The following GRIN2A variants were observed in gnomAD, a reference collection of about 807,000 sequenced individuals.
GRIN2A encodes glutamate receptor ionotropic, NMDA 2A.
GRIN2A carries 22 observed loss-of-function variants against 113.4 expected under a neutral mutation model. The observed-to-expected ratio is 0.19, with a 90% CI of 0.14 to 0.28. The LOEUF (loss-of-function observed/expected upper bound fraction) is 0.28, where lower values mean the gene tolerates loss of function less well. GRIN2A is among the 10% of genes least tolerant of loss of function. The pLI is 1.00. For missense variants in GRIN2A, 1,502 were observed against 1,887.0 expected, an observed-to-expected ratio of 0.80 and a Z score of 3.78; for synonymous variants, 827 against 738.4, an observed-to-expected ratio of 1.12 and a Z score of -1.94.
chr16:9,961,880 C>T (rs1041138340), intron 2 of GRIN2A, among the ~76,000 whole-genome samples: 11 of 152,152 alleles, frequency 7.2e-5, no homozygotes, highest in African/African-American at 2.7e-4. Context: ...TCAAACTATG[C>T]TACAAGGCTA....
chr16:9,863,955 A>G (rs1311276527), intron 4 of GRIN2A, among the ~76,000 whole-genome samples: 1 of 152,210 alleles, frequency 6.6e-6, no homozygotes, highest in Non-Finnish European at 1.5e-5. Context: ...TAGGACAATC[A>G]CAGAAACAGG....
intron 11 of GRIN2A, among the ~76,000 whole-genome samples, chr16:9,782,007 TTATAA>T (rs1278134890): frequency 6.6e-6 from 1 of 152,118 alleles, no homozygotes; most frequent in Non-Finnish European, 1.5e-5. Flanking sequence ...TAACCAATAA[TTATAA>T]TTAAAGAAAT....
At chr16:9,950,722 A>G (rs1194980310) in intron 2 of GRIN2A, among the ~76,000 whole-genome samples, 1 of 152,228 alleles carries the variant, frequency 6.6e-6, no homozygotes, top group Non-Finnish European at 1.5e-5. Flanking sequence ...AGACACATCT[A>G]GGTCCAAACC....
Position 9,833,248 on chromosome 16 carries a change from C to G in GRIN2A, c.1777+857G>C, listed in dbSNP as rs112860965. Reference sequence around the variant, plus strand: ...TTTTATTTCCTATCTACTGATTGTCCCTTTATCAACTACAATGCACTAAGA... The same window carrying G: ...TTTTATTTCCTATCTACTGATTGTCGCTTTATCAACTACAATGCACTAAGA... On this transcript the variant is annotated intron_variant, in intron 8 of 12. Transcript: ENST00000330684. Among the ~76,000 whole-genome samples the G allele has an allele frequency of 4.3e-3, 659 of 152,228 alleles. 2 individuals are homozygous for G. Among genetic ancestry groups the G allele is most frequent in the Admixed American group, 8.0e-3 (122 of 15,292 alleles).
rs770162565 is a variant in GRIN2A at position 9,891,112 on chromosome 16, AAG to A, written c.1008-14_1008-13del. On this transcript the variant is annotated splice_polypyrimidine_tract_variant and intron_variant, in intron 3 of 12. Transcript: ENST00000330684. ...CATTGACCATAAATCTAGAAAGGGG[AAG>A]AGAGAAAGACAAATTTTTAGGAAAG... 1 of 1,507,876 alleles carries A rather than the reference AAG, an allele frequency of 6.6e-7. No individual in the cohort carries two copies. The highest frequency in any genetic ancestry group is 1.1e-5 in the South Asian group (1 of 88,942). The allele number at this position is 1,507,876 out of a possible 1,614,324, so 93.4% of individuals were successfully genotyped here.
chr16:10,148,885 C>G (rs2049502849), intron 2 of GRIN2A, among the ~76,000 whole-genome samples: 1 of 152,168 alleles, frequency 6.6e-6, no homozygotes, highest in South Asian at 2.1e-4. Flanking sequence ...TACTAATCAG[C>G]CATAAAAAGA....
intron 2 of GRIN2A, among the ~76,000 whole-genome samples, chr16:10,136,267 A>C (rs1461839925): frequency 6.6e-6 from 1 of 152,100 alleles, no homozygotes; most frequent in Non-Finnish European, 1.5e-5. Flanking sequence ...ACACACACAC[A>C]CGCAATATCA....
At chr16:10,057,306 T>C (rs1023238754) in intron 2 of GRIN2A, among the ~76,000 whole-genome samples, 1 of 152,180 alleles carries the variant, frequency 6.6e-6, no homozygotes, top group South Asian at 2.1e-4. Context: ...ATGGGCTTGC[T>C]ATGCAAACTG....
chr16:9,816,077 A>C (rs7193625), intron 10 of GRIN2A, among the ~76,000 whole-genome samples: 51,063 of 152,080 alleles, frequency 0.34, 9,578 homozygotes, highest in African/African-American at 0.5. Context: ...AAAGACAAAA[A>C]GTAGAATGGT....
chr16:9,934,942 C>A (rs139217489), intron 3 of GRIN2A, among the ~76,000 whole-genome samples: 3 of 151,730 alleles, frequency 2.0e-5, no homozygotes, highest in Non-Finnish European at 4.4e-5. Context: ...CAGTGGATGG[C>A]GACTTACCAC....
chr16:9,880,493 T>A (rs763390161), intron 4 of GRIN2A, among the ~76,000 whole-genome samples: 1 of 152,162 alleles, frequency 6.6e-6, no homozygotes, highest in African/African-American at 2.4e-5. Context: ...GCCCCAATAA[T>A]CTCCTTGTTG....
At chr16:9,920,566 A>AT (rs34857622) in intron 3 of GRIN2A, among the ~76,000 whole-genome samples, 59,741 of 144,330 alleles carry the variant, frequency 0.41, 12,381 homozygotes, top group African/African-American at 0.46. Context: ...TGTGAATTGA[A>AT]TTTTTTTTTT....
In GRIN2A at chr16:10,084,092, C is replaced by A. The variant is rs527975493; in HGVS notation, c.414+95906G>T. On this transcript the variant is annotated intron_variant, in intron 2 of 12. Transcript: ENST00000330684. ...CTCCAGCCTGGACAACAGAGTGAGA[C>A]CCTGTCTAACAACAACAACAAAAGG... Among the ~76,000 whole-genome samples the A allele has an allele frequency of 9.9e-5, 15 of 152,256 alleles. No homozygotes were observed. The East Asian group carries it at 2.3e-3, about 23-fold the overall frequency.
chr16:9,783,809 T>C (rs1239534487), intron 11 of GRIN2A, among the ~76,000 whole-genome samples: 1 of 152,066 alleles, frequency 6.6e-6, no homozygotes, highest in Non-Finnish European at 1.5e-5. Flanking sequence ...CTTTAAAGAG[T>C]GATTCTTAAA....
chr16:9,829,954 G>T (rs1313317681), intron 8 of GRIN2A, among the ~76,000 whole-genome samples: 1 of 152,164 alleles, frequency 6.6e-6, no homozygotes, highest in Admixed American at 6.5e-5. Context: ...TTTTAAATTT[G>T]GATTTGATTC....
chr16:9,953,831 C>T (rs2045239890), intron 2 of GRIN2A, among the ~76,000 whole-genome samples: 1 of 152,094 alleles, frequency 6.6e-6, no homozygotes, highest in Non-Finnish European at 1.5e-5. Flanking sequence ...TCACCTGGGA[C>T]TTTAAGGCAA....
In GRIN2A at chr16:9,834,214, A is replaced by G. The variant is rs2042547833; in HGVS notation, c.1668T>C (p.Ser556=). ...GCATCACAAACATCATCACCCAGACAGAGGCGCTGAATGGTTCTGCAAATA... is the reference window on the plus strand; with the variant it reads ...GCATCACAAACATCATCACCCAGACGGAGGCGCTGAATGGTTCTGCAAATA... ...PSAFLEPFSA[S]VWVMMFVMLL... Residue 556 remains serine, a synonymous_variant, in exon 8 of 13, where the codon TCT becomes TCC. Transcript: ENST00000330684. The G allele has an allele frequency of 1.9e-6, 3 of 1,613,916 alleles. No homozygotes were observed. The highest frequency in any genetic ancestry group is 1.7e-5 in the Admixed American group (1 of 60,006).
intron 11 of GRIN2A, among the ~76,000 whole-genome samples, chr16:9,775,627 A>G (rs1019566785): frequency 1.3e-5 from 2 of 152,246 alleles, no homozygotes; most frequent in Admixed American, 1.3e-4. Context: ...GGAAGGAAGA[A>G]GGGATCAAAG....
intron 2 of GRIN2A, among the ~76,000 whole-genome samples, chr16:10,063,283 T>C (rs2047585377): frequency 6.6e-6 from 1 of 152,322 alleles, no homozygotes; most frequent in South Asian, 2.1e-4. Flanking sequence ...ACTTGGATGA[T>C]GGGACCATTC....
Sources: gnomAD v4.1 joint callset for allele counts (sites outside exome capture counted in the v4.1 genomes callset) on GRCh38, gnomAD v4.1.1 for gene constraint, MANE v1.5 for transcripts, NCBI Gene and HGNC (gene_info 2026-07-23, HGNC 2026-07-21) for gene names.